The following PITPNM3 variants were observed in gnomAD, a reference collection of about 807,000 sequenced individuals.
The protein encoded by PITPNM3 is membrane-associated phosphatidylinositol transfer protein 3.
In PITPNM3, 26 loss-of-function variants were observed where a neutral mutation model predicts 102.0. That is an observed-to-expected ratio of 0.25 (90% CI 0.19 to 0.35). The LOEUF is 0.35. PITPNM3 is among the 10% of genes least tolerant of loss of function. The probability of loss-of-function intolerance (pLI) is 1.00; values close to 1 mark genes in which losing one functional copy is unlikely to be tolerated. For missense variants in PITPNM3, 1,083 were observed against 1,346.1 expected, an observed-to-expected ratio of 0.80 and a Z score of 3.06; for synonymous variants, 578 against 558.6, an observed-to-expected ratio of 1.03 and a Z score of -0.49.
At chr17:6,543,434 C>T (rs2150672009) in intron 1 of PITPNM3, among the ~76,000 whole-genome samples, 1 of 152,372 alleles carries the variant, frequency 6.6e-6, no homozygotes, top group East Asian at 1.9e-4. Context: ...GCAGCCCCAG[C>T]CCCAGGGGCA....
intron 10 of PITPNM3, among the ~76,000 whole-genome samples, chr17:6,473,703 A>T (rs1183791827): frequency 6.6e-6 from 1 of 152,158 alleles, no homozygotes; most frequent in Non-Finnish European, 1.5e-5. Flanking sequence ...TTAGCCGGGC[A>T]CGGTGGTTCA....
chr17:6,470,222 G>A lies in PITPNM3; in HGVS notation c.1773+38C>T. ...TGGAGAAGGGGCGGTACCCCCTTGG[G>A]GTGGCTGTGGGCAGGCCCGCGACTG... On this transcript the variant is annotated intron_variant, in intron 13 of 19. Transcript: ENST00000262483. The surrounding 1 kb of genome is among the most constrained non-coding windows in gnomAD (Gnocchi z 4.8). 1 of 1,566,550 alleles carries A rather than the reference G, an allele frequency of 6.4e-7. No individual in the cohort carries two copies. Among genetic ancestry groups the A allele is most frequent in the Non-Finnish European group, 8.7e-7 (1 of 1,154,568 alleles).
At position 6,478,881 on chromosome 17, in the gene PITPNM3, G is replaced by A. The variant is rs1905489648; in HGVS notation, c.588-145C>T. ...AGGAAGACCCAGGCAGGAGCCTGGT[G>A]ACACAGAGCACAGGCAGTGTGGGGA... On this transcript the variant is annotated intron_variant, in intron 6 of 19. Coordinates refer to ENST00000262483, the MANE Select transcript of PITPNM3 (RefSeq NM_031220.4). The surrounding 1 kb of genome is among the most constrained non-coding windows in gnomAD (Gnocchi z 4.4). 1 of 750,798 alleles carries A rather than the reference G, an allele frequency of 1.3e-6. No individual in the cohort carries two copies. Among genetic ancestry groups the A allele is most frequent in the Non-Finnish European group, 2.1e-6 (1 of 470,502 alleles). 46.5% of individuals were successfully genotyped at this position (750,798 alleles called of 1,614,324 possible). A position where few individuals can be genotyped will look rare whatever the true frequency, so the allele number is the denominator to read the frequency against.
chr17:6,516,580 CAAAG>C (rs1370269308), intron 3 of PITPNM3, among the ~76,000 whole-genome samples: 284 of 122,770 alleles, frequency 2.3e-3, no homozygotes, highest in African/African-American at 8.2e-3. Flanking sequence ...AAAAAAAAAA[CAAAG>C]AAAGAAAGAA....
At chr17:6,546,930 C>A (rs1353338672) in intron 1 of PITPNM3, among the ~76,000 whole-genome samples, 1 of 152,126 alleles carries the variant, frequency 6.6e-6, no homozygotes, top group African/African-American at 2.4e-5. Flanking sequence ...CTGCTTGAAC[C>A]CGGGAGGTGG....
chr17:6,475,199 C>G (rs1003363018), intron 9 of PITPNM3, among the ~76,000 whole-genome samples: 5 of 152,174 alleles, frequency 3.3e-5, no homozygotes, highest in Admixed American at 6.5e-5. Context: ...ACAGCTTGGT[C>G]TCCCCACCCC....
chr17:6,529,120 C>T (rs1909001250), intron 2 of PITPNM3, among the ~76,000 whole-genome samples: 1 of 152,174 alleles, frequency 6.6e-6, no homozygotes, highest in Non-Finnish European at 1.5e-5. Flanking sequence ...GATTAAGCTC[C>T]AAGCTGAGCC....
intron 6 of PITPNM3, chr17:6,481,526 AAGG>A (rs1905670895): frequency 6.6e-6 from 1 of 152,196 alleles, no homozygotes; most frequent in African/African-American, 2.4e-5. Flanking sequence ...AAATTGAGAC[AAGG>A]AGAAGTTAAA....
intron 2 of PITPNM3, among the ~76,000 whole-genome samples, chr17:6,525,912 A>G (rs768891142): frequency 1.3e-5 from 2 of 152,202 alleles, no homozygotes; most frequent in African/African-American, 2.4e-5. Context: ...TAATGGATGT[A>G]AAGGTCTTAG....
intron 4 of PITPNM3, among the ~76,000 whole-genome samples, chr17:6,491,943 C>T (rs1233870363): frequency 6.7e-6 from 1 of 150,356 alleles, no homozygotes; most frequent in Admixed American, 6.6e-5. Context: ...ATATATTTTA[C>T]TTTCTACTTT....
At chr17:6,498,744 A>T (rs991485214) in intron 4 of PITPNM3, among the ~76,000 whole-genome samples, 1 of 152,134 alleles carries the variant, frequency 6.6e-6, no homozygotes, top group African/African-American at 2.4e-5. Context: ...GAAGTCTAGA[A>T]GGTTTCTGGC....
Position 6,478,612 on chromosome 17 carries a change from C to G in PITPNM3, c.712G>C (p.Glu238Gln). The G allele has an allele frequency of 1.2e-6, 2 of 1,614,058 alleles. No individual in the cohort carries two copies. Among genetic ancestry groups the G allele is most frequent in the Non-Finnish European group, 1.7e-6 (2 of 1,180,018 alleles). The change falls in exon 7 of 20, where the codon GAG becomes CAG. Residue 238 changes from glutamate (E) to glutamine (Q), a missense_variant. This residue lies in a region of PITPNM3 where 290 missense variants were observed against 337.8 expected (regional missense o/e 0.86). Coordinates refer to ENST00000262483, the MANE Select transcript of PITPNM3 (RefSeq NM_031220.4). This position sits in a 1 kb window ranked among gnomAD's most constrained non-coding sequence, Gnocchi z 4.4. ...TCTCTGTAGACCTGGTTGGCTCGCT[C>G]GATGACGGTGGCGACAGCATCCTGG... The part of the protein sequence containing the change: ...QYQDAVATVI[E>Q]RANQVYREFL...
At chr17:6,553,403 C>T (rs1335526965) in intron 1 of PITPNM3, among the ~76,000 whole-genome samples, 1 of 152,182 alleles carries the variant, frequency 6.6e-6, no homozygotes, top group Non-Finnish European at 1.5e-5. Context: ...TTCTCTTGTA[C>T]CTGGATTCTC....
At chr17:6,467,080 CCAAA>C (rs1254132730) in intron 14 of PITPNM3, among the ~76,000 whole-genome samples, 3 of 60,962 alleles carry the variant, frequency 4.9e-5, no homozygotes, top group Admixed American at 4.0e-4. Context: ...AAAAAAAAAA[CCAAA>C]AAAAAAAAAC....
At chr17:6,510,513 C>T (rs925894864) in intron 3 of PITPNM3, among the ~76,000 whole-genome samples, 1 of 152,244 alleles carries the variant, frequency 6.6e-6, no homozygotes, top group Admixed American at 6.5e-5. Flanking sequence ...ACTGTCACTG[C>T]CCCACCCCCG....
intron 3 of PITPNM3, among the ~76,000 whole-genome samples, chr17:6,504,325 A>ATGCCTGCCTCTCACAACCCCG (rs1369156013): frequency 6.6e-6 from 1 of 151,666 alleles, no homozygotes; most frequent in African/African-American, 2.4e-5. Flanking sequence ...TCCTGACCCC[A>ATGCCTGCCTCTCACAACCCCG]TGCCTGCCTC....
Position 6,455,569 on chromosome 17 carries a change from G to C in PITPNM3, c.2694C>G (p.Asn898Lys). The C allele has an allele frequency of 6.2e-7, 1 of 1,601,084 alleles. No homozygotes were observed. The highest frequency in any genetic ancestry group is 2.2e-5 in the East Asian group (1 of 44,572). The change falls in exon 20 of 20, where the codon AAC (asparagine) becomes AAG (lysine). Residue 898 changes from asparagine (N) to lysine (K), a missense_variant. By Grantham distance (94) the Asn-to-Lys change is moderately conservative (BLOSUM62 0). Coordinates refer to ENST00000262483, the MANE Select transcript of PITPNM3 (RefSeq NM_031220.4). ...ASHRSRPKKNNSRMILRKGSF... is the reference protein window; with the variant it reads ...ASHRSRPKKNKSRMILRKGSF... The stretch of plus-strand genomic sequence containing the variant: ...TGCCCTTGCGCAGGATCATGCGCGA[G>C]TTGTTCTTCTTTGGGCGTGAGCGGT...
At chr17:6,467,582 G>C (rs1306859069) in intron 14 of PITPNM3, among the ~76,000 whole-genome samples, 1 of 152,210 alleles carries the variant, frequency 6.6e-6, no homozygotes, top group Non-Finnish European at 1.5e-5. Flanking sequence ...TTTTAGGACT[G>C]TTCTTGGGGT....
intron 4 of PITPNM3, among the ~76,000 whole-genome samples, chr17:6,499,942 G>C (rs1474073659): frequency 6.6e-6 from 1 of 152,146 alleles, no homozygotes; most frequent in Non-Finnish European, 1.5e-5. Flanking sequence ...TGTTCCCCAG[G>C]CTGGTCTCGA....
Sources: allele counts gnomAD v4.1 joint callset (sites outside exome capture counted in the v4.1 genomes callset), GRCh38; gene constraint gnomAD v4.1.1; regional missense constraint gnomAD v4.1.1; non-coding constraint Gnocchi (gnomAD v3.1); transcripts MANE v1.5; gene names NCBI Gene and HGNC (gene_info 2026-07-23, HGNC 2026-07-21).